Variants in CDK5RAP3 observed in about 807,000 individuals in gnomAD.
CDK5RAP3 encodes CDK5 regulatory subunit-associated protein 3.
Under a neutral mutation model 73.3 loss-of-function variants are expected in CDK5RAP3, and 58 were observed. That is an observed-to-expected ratio of 0.79 (90% CI 0.64 to 0.98). CDK5RAP3 has a LOEUF of 0.98. CDK5RAP3 is among the 50% of genes least tolerant of loss of function. The pLI is 0.00. For synonymous variants in CDK5RAP3, 224 were observed against 247.5 expected (o/e 0.91, Z 0.89); for missense variants, 525 against 615.8 (o/e 0.85, Z 1.56).
Position 47,971,171 on chromosome 17 carries a change from G to A in CDK5RAP3, c.6+19G>A, listed in dbSNP as rs752913153. On this transcript the variant is annotated intron_variant, in intron 1 of 13. Coordinates refer to ENST00000338399, the MANE Select transcript of CDK5RAP3 (RefSeq NM_176096.3). ...GATGGAGGTGTGGGGACAGGAGCTG[G>A]GTGTGCTGGGGACTGGCCGCGGACC... 6.5e-7 allele frequency: 1 copy of A among 1,545,068 alleles called. No individual in the cohort carries two copies. The highest frequency in any genetic ancestry group is 1.4e-5 in the African/African-American group (1 of 72,994).
chr17:47,971,502 C>G (rs796689267), intron 2 of CDK5RAP3, 95 bp downstream of exon 2: 12 of 1,227,490 alleles, frequency 9.8e-6, no homozygotes, highest in Middle Eastern at 2.0e-4. Context: ...CCCTGAAAGC[C>G]TGAGTCGAGA....
rs1264723150 is a variant in CDK5RAP3 at position 47,973,632 on chromosome 17, C to T, written c.166C>T (p.Gln56Ter). The change falls in exon 3 of 14, where the codon CAG becomes TAG. Residue 56 changes from glutamine (Q) to a stop codon, truncating the protein, a stop_gained. Transcript: ENST00000338399. LOFTEE classifies it high-confidence loss of function. The stretch of plus-strand genomic sequence containing the variant: ...CATGCCAGAGAGCGAAGAGATCGCC[C>T]AGCTGCTGTCTGGGTCCTGTGAGTG... ...QDMPESEEIA[Q>*]LLSGSYIHYF... The T allele has an allele frequency of 7.4e-6, 12 of 1,614,120 alleles. No homozygotes were observed. Among genetic ancestry groups the T allele is most frequent in the Non-Finnish European group, 1.0e-5 (12 of 1,180,026 alleles).
chr17:47,980,872 A>C, intron 12 of CDK5RAP3, 74 bp downstream of exon 12: 1 of 1,473,800 alleles, frequency 6.8e-7, no homozygotes, highest in Non-Finnish European at 9.5e-7. Context: ...CTCTTGTTCC[A>C]TGACCCCTTA....
chr17:47,973,504 G>A lies in CDK5RAP3; in HGVS notation c.53-15G>A, dbSNP rs146073513. 280 of 1,610,942 alleles carry A rather than the reference G, an allele frequency of 1.7e-4. No individual in the cohort carries two copies. In the East Asian group the frequency reaches 5.6e-3, roughly 32 times the overall value. ...TGTGAATGGGAATGCTCTAATTTGG[G>A]TGCTTCTCATGTAGATTGGCTGGTG... On this transcript the variant is annotated splice_polypyrimidine_tract_variant and intron_variant, in intron 2 of 13. Coordinates refer to ENST00000338399, the MANE Select transcript of CDK5RAP3 (RefSeq NM_176096.3).
At chr17:47,974,644 GAGGTCC>G (rs2036352445) in intron 5 of CDK5RAP3, 196 bp downstream of exon 5, 12 of 1,410,792 alleles carry the variant, frequency 8.5e-6, no homozygotes, top group Admixed American at 2.7e-5. Context: ...GGGGAAGGAG[GAGGTCC>G]AGGCCGGTAG....
intron 2 of CDK5RAP3, among the ~76,000 whole-genome samples, chr17:47,971,628 A>G (rs2036270476): frequency 6.6e-6 from 1 of 152,158 alleles, no homozygotes; most frequent in African/African-American, 2.4e-5. Flanking sequence ...CTTTAATAAC[A>G]TATGTTATCG....
chr17:47,981,361 G>T (rs751300284), intron 13 of CDK5RAP3, 27 bp downstream of exon 13: 2 of 1,613,758 alleles, frequency 1.2e-6, no homozygotes, highest in East Asian at 4.5e-5. Context: ...AGGCCTGCCA[G>T]TGGGAGGACT....
Position 47,975,721 on chromosome 17 carries a change from C to T in CDK5RAP3, c.653+68C>T, listed in dbSNP as rs1308476004. 4.5e-6 allele frequency: 7 copies of T among 1,565,424 alleles called. No homozygotes were observed. The South Asian group carries it at 4.7e-5, about 11-fold the overall frequency. ...TGTTCCCCAGCTCATGACCCTTCTC[C>T]AGTTGTCTTGTTCCCATATAACATT... On this transcript the variant is annotated intron_variant, in intron 7 of 13. Transcript: ENST00000338399.
chr17:47,974,420 T>G lies in CDK5RAP3; in HGVS notation c.306T>G (p.Ala102=), dbSNP rs756485433. ...QRMKDWQEII[A]LYEKDNTYLV... ...CTCAGGATTGGCAGGAGATTATAGC[T>G]CTGTATGAGAAGGACAACACCTACT... is the stretch of plus-strand genomic sequence containing the variant. Residue 102 remains alanine (A), a synonymous_variant, in exon 5 of 14, where the codon GCT becomes GCG. Transcript: ENST00000338399. 2.5e-6 allele frequency: 4 copies of G among 1,614,108 alleles called. No individual in the cohort carries two copies. The highest frequency in any genetic ancestry group is 3.4e-6 in the Non-Finnish European group (4 of 1,179,992).
Position 47,980,773 on chromosome 17 carries a change from C to G in CDK5RAP3, c.1258C>G (p.Leu420Val). The part of the protein sequence containing the change: ...GKLTSLQLQH[L>V]FMILASPRYV... ...GCTTACCAGTCTTCAGCTGCAACAC[C>G]TGTTTATGATCCTGGCCTCACCAAG... Residue 420 changes from leucine (L) to valine (V), a missense_variant, in exon 12 of 14, where the codon CTG (leucine) becomes GTG (valine). Coordinates refer to ENST00000338399, the MANE Select transcript of CDK5RAP3 (RefSeq NM_176096.3). 1 of 1,614,172 alleles carries G rather than the reference C, an allele frequency of 6.2e-7. No individual in the cohort carries two copies. The highest frequency in any genetic ancestry group is 8.5e-7 in the Non-Finnish European group (1 of 1,180,020).
rs769520363 is a variant in CDK5RAP3 at position 47,976,730 on chromosome 17, G to A, written c.817G>A (p.Gly273Arg). ...AEDAIDWGDF[G>R]VEAVSEGTDS... ...TTTCCAGATTGACTGGGGCGACTTT[G>A]GGGTAGAGGCAGTGTCTGAGGGGAC... The change falls in exon 9 of 14, where the codon GGG becomes AGG. Residue 273 changes from glycine to arginine, a missense_variant. Physicochemically the swap from Gly to Arg is moderately radical, Grantham distance 125. Around this residue, in one of 2 missense-constraint regions of CDK5RAP3, gnomAD observed 409 missense variants for 429.8 expected, o/e 0.95. Coordinates refer to ENST00000338399, the MANE Select transcript of CDK5RAP3 (RefSeq NM_176096.3). 7 of 1,611,828 alleles carry A rather than the reference G, an allele frequency of 4.3e-6. No homozygotes were observed. In the Admixed American group the frequency reaches 1.2e-4, roughly 27 times the overall value.
At chr17:47,981,087 C>G in intron 12 of CDK5RAP3, 76 bp from the exon 13 acceptor site, 1 of 1,498,018 alleles carries the variant, frequency 6.7e-7, no homozygotes. Flanking sequence ...TCCCGAGCCT[C>G]TCACCTCCCC....
chr17:47,973,821 T>G, intron 3 of CDK5RAP3, 110 bp from the exon 4 acceptor site: 1 of 1,205,522 alleles, frequency 8.3e-7, no homozygotes, highest in Admixed American at 1.9e-5. Context: ...AGGGAAAAGC[T>G]ACACACTAAA....
upstream of CDK5RAP3, among the ~76,000 whole-genome samples, chr17:47,969,858 C>G (rs567078466): frequency 1.3e-5 from 2 of 152,322 alleles, no homozygotes; most frequent in Non-Finnish European, 2.9e-5. Context: ...TAGACCCCCT[C>G]CTCCCCAACA....
At chr17:47,970,581 C>G, upstream of CDK5RAP3, 1 of 1,294,934 alleles carries the variant, frequency 7.7e-7, no homozygotes, top group African/African-American at 1.5e-5. Flanking sequence ...CTTCCTTCCC[C>G]TTCCCTGCCC....
In CDK5RAP3 at chr17:47,975,586, G is replaced by A. The variant is rs755434127; in HGVS notation, c.586G>A (p.Ala196Thr). Reference sequence around the variant, plus strand: ...GAGTCAGCTGGCTGAGATTGGGGCAGCGGCTCAGCAGTCCCTGGGGGAAGC... The same window carrying A: ...GAGTCAGCTGGCTGAGATTGGGGCAACGGCTCAGCAGTCCCTGGGGGAAGC... ...LPSQLAEIGA[A>T]AQQSLGEAID... Residue 196 changes from alanine to threonine, a missense_variant, in exon 7 of 14, where the codon GCG becomes ACG. Physicochemically the swap from Ala to Thr is moderately conservative, Grantham distance 58 (BLOSUM62 0). Around this residue, in one of 2 missense-constraint regions of CDK5RAP3, gnomAD observed 409 missense variants for 429.8 expected, o/e 0.95. Coordinates refer to ENST00000338399, the MANE Select transcript of CDK5RAP3 (RefSeq NM_176096.3). 3 of 1,609,812 alleles carry A rather than the reference G, an allele frequency of 1.9e-6. No homozygotes were observed. The South Asian group carries it at 3.3e-5, about 18-fold the overall frequency.
intron 1 of CDK5RAP3, 48 bp from the exon 2 acceptor site, chr17:47,971,314 G>T: frequency 6.3e-7 from 1 of 1,589,762 alleles, no homozygotes; most frequent in Non-Finnish European, 8.6e-7. Flanking sequence ...CGAGTGGTAC[G>T]TCCTCTCTCC....
chr17:47,970,408 C>T (rs1370437147), upstream of CDK5RAP3: 3 of 490,058 alleles, frequency 6.1e-6, no homozygotes, highest in Non-Finnish European at 7.4e-6. Flanking sequence ...GCCCGTCCTG[C>T]CTGCCTGTTG....
In CDK5RAP3 at chr17:47,971,414, G is replaced by A; in HGVS notation, c.52+7G>A. 1 of 1,600,304 alleles carries A rather than the reference G, an allele frequency of 6.2e-7. No individual in the cohort carries two copies. Among genetic ancestry groups the A allele is most frequent in the East Asian group, 2.3e-5 (1 of 44,366 alleles). On this transcript the variant is annotated splice_region_variant and intron_variant, in intron 2 of 13. Coordinates refer to ENST00000338399, the MANE Select transcript of CDK5RAP3 (RefSeq NM_176096.3). ...CAGACCAGCAAGCTGCTCGGTAGGA[G>A]GGGGCGCCACCGCGCAGCTGGCTGT...
Sources: allele counts gnomAD v4.1 joint callset (sites outside exome capture counted in the v4.1 genomes callset), GRCh38; gene constraint gnomAD v4.1.1; regional missense constraint gnomAD v4.1.1; transcripts MANE v1.5; gene names NCBI Gene and HGNC (gene_info 2026-07-23, HGNC 2026-07-21).